The following DLGAP2 variants were observed in gnomAD, a reference collection of about 807,000 sequenced individuals.
DLGAP2 encodes DLG associated protein 2.
DLGAP2 carries 26 observed loss-of-function variants against 100.3 expected under a neutral mutation model. That is an observed-to-expected ratio of 0.26 (90% CI 0.19 to 0.36). The LOEUF (loss-of-function observed/expected upper bound fraction) is 0.36, where lower values mean the gene tolerates loss of function less well. DLGAP2 is among the 10% of genes least tolerant of loss of function. DLGAP2 has a pLI of 1.00. For synonymous variants in DLGAP2, 886 were observed against 630.1 expected (o/e 1.41, Z -6.08); for missense variants, 1,858 against 1,453.2 (o/e 1.28, Z -4.53).
intron 2 of DLGAP2, among the ~76,000 whole-genome samples, chr8:1,044,950 C>T (rs1802476389): frequency 6.6e-6 from 1 of 152,246 alleles, no homozygotes; most frequent in South Asian, 2.1e-4. Flanking sequence ...CCAGCATTCC[C>T]TCCATCTTTC....
intron 12 of DLGAP2, among the ~76,000 whole-genome samples, chr8:1,687,558 C>T (rs1015661625): frequency 1.3e-5 from 2 of 152,198 alleles, no homozygotes; most frequent in Admixed American, 6.5e-5. Context: ...CATTAGCAGG[C>T]ATGTCATTAG....
At chr8:1,303,959 G>T (rs989298804) in intron 3 of DLGAP2, among the ~76,000 whole-genome samples, 1 of 152,184 alleles carries the variant, frequency 6.6e-6, no homozygotes, top group African/African-American at 2.4e-5. Flanking sequence ...CTCACAGAAG[G>T]GAAGAGGTAA....
intron 2 of DLGAP2, among the ~76,000 whole-genome samples, chr8:1,157,519 A>C (rs937510086): frequency 5.9e-5 from 9 of 152,278 alleles, no homozygotes; most frequent in South Asian, 2.1e-4. Flanking sequence ...GATTTAGACT[A>C]AATTACGTGG....
intron 2 of DLGAP2, among the ~76,000 whole-genome samples, chr8:1,198,563 C>G (rs924206986): frequency 3.9e-5 from 6 of 152,110 alleles, no homozygotes; most frequent in African/African-American, 1.2e-4. Context: ...TCAGGAGGGC[C>G]AGGTCCCAGG....
intron 6 of DLGAP2, among the ~76,000 whole-genome samples, chr8:1,619,005 TAG>T: frequency 6.6e-6 from 1 of 152,190 alleles, no homozygotes; most frequent in East Asian, 1.9e-4. Flanking sequence ...TGTGACAGAA[TAG>T]AGACTCCAGC....
At chr8:1,649,097 G>T (rs1445829198) in intron 8 of DLGAP2, among the ~76,000 whole-genome samples, 5 of 152,152 alleles carry the variant, frequency 3.3e-5, no homozygotes, top group African/African-American at 1.2e-4. Context: ...CTCCAGAAAA[G>T]TAAAAATTAT....
intron 3 of DLGAP2, among the ~76,000 whole-genome samples, chr8:1,318,980 C>G (rs1330745676): frequency 6.6e-6 from 1 of 152,160 alleles, no homozygotes; most frequent in Non-Finnish European, 1.5e-5. Flanking sequence ...GACATAGTCT[C>G]TGTTTTATGG....
chr8:1,224,767 A>G (rs1389081459), intron 2 of DLGAP2, among the ~76,000 whole-genome samples: 1 of 152,234 alleles, frequency 6.6e-6, no homozygotes, highest in African/African-American at 2.4e-5. Context: ...TTTTAAAATG[A>G]GCAAGGGGAC....
chr8:910,169 G>A (rs766947681), intron 2 of DLGAP2, among the ~76,000 whole-genome samples: 15 of 152,148 alleles, frequency 9.9e-5, no homozygotes, highest in African/African-American at 2.9e-4. Context: ...TCACCATGGC[G>A]GATTCTGCAT....
intron 2 of DLGAP2, among the ~76,000 whole-genome samples, chr8:1,111,501 G>A (rs1804957978): frequency 6.6e-6 from 1 of 152,026 alleles, no homozygotes; most frequent in Non-Finnish European, 1.5e-5. Context: ...TCATCACCCA[G>A]GTTTAATTAA....
intron 2 of DLGAP2, among the ~76,000 whole-genome samples, chr8:1,213,358 T>C (rs1307195058): frequency 1.3e-5 from 2 of 151,882 alleles, no homozygotes; most frequent in Non-Finnish European, 2.9e-5. Flanking sequence ...ATCAAATGCC[T>C]TTCCACTGTG....
At chr8:1,525,310 G>C (rs938169689) in intron 4 of DLGAP2, among the ~76,000 whole-genome samples, 1 of 149,786 alleles carries the variant, frequency 6.7e-6, no homozygotes, top group African/African-American at 2.5e-5. Context: ...CTACCACTAT[G>C]TATTATCTAA....
At chr8:1,151,730 T>G (rs1462890083) in intron 2 of DLGAP2, among the ~76,000 whole-genome samples, 3 of 152,220 alleles carry the variant, frequency 2.0e-5, no homozygotes, top group Non-Finnish European at 4.4e-5. Context: ...TCAGGTGGCG[T>G]CGTCTCATCT....
At chr8:1,363,208 A>C (rs1289949326) in intron 3 of DLGAP2, among the ~76,000 whole-genome samples, 1 of 152,234 alleles carries the variant, frequency 6.6e-6, no homozygotes, top group Non-Finnish European at 1.5e-5. Context: ...CTGGGAAAGA[A>C]ATGGAGATTC....
At chr8:1,155,028 T>C (rs577790606) in intron 2 of DLGAP2, among the ~76,000 whole-genome samples, 37 of 152,258 alleles carry the variant, frequency 2.4e-4, no homozygotes, top group Admixed American at 4.6e-4. Flanking sequence ...CTGTTCCCAC[T>C]CATTCTCGCA....
chr8:1,270,603 C>G (rs1017207976), intron 3 of DLGAP2, among the ~76,000 whole-genome samples: 2 of 152,112 alleles, frequency 1.3e-5, no homozygotes, highest in Non-Finnish European at 2.9e-5. Flanking sequence ...TTCTTAAGAA[C>G]GTAACTTCTC....
rs565230871 is a variant in DLGAP2, at chr8:762,969, G to C, written c.18+25144G>C. ...TGGGATTACAGGCGTGAGCCACTGC[G>C]CCCAGCTGACGGTTTTATTTAAATG... On this transcript the variant is annotated intron_variant, in intron 1 of 14. Coordinates refer to ENST00000637795, the MANE Select transcript of DLGAP2 (RefSeq NM_001346810.2). 3.3e-5 allele frequency among the ~76,000 whole-genome samples: 5 copies of C among 152,214 alleles called. No homozygotes were observed. The South Asian group carries it at 1.0e-3, about 32-fold the overall frequency.
intron 3 of DLGAP2, among the ~76,000 whole-genome samples, chr8:1,413,990 G>A (rs779576556): frequency 5.3e-5 from 8 of 152,172 alleles, no homozygotes; most frequent in Non-Finnish European, 1.0e-4. Context: ...GTGATTGAAA[G>A]CAAATAGTCA....
intron 3 of DLGAP2, among the ~76,000 whole-genome samples, chr8:1,372,289 G>A (rs958673208): frequency 3.3e-5 from 5 of 152,130 alleles, no homozygotes; most frequent in Non-Finnish European, 7.4e-5. Flanking sequence ...GCTGGTCACC[G>A]TGCTGCCAAC....
Sources: allele counts gnomAD v4.1 joint callset (sites outside exome capture counted in the v4.1 genomes callset), GRCh38; gene constraint gnomAD v4.1.1; transcripts MANE v1.5; gene names NCBI Gene and HGNC (gene_info 2026-07-23, HGNC 2026-07-21).